ADD3: variants seen among roughly 807,000 people sequenced by gnomAD.
ADD3 encodes adducin 3, also known as gamma-adducin.
A neutral mutation model predicts 80.2 loss-of-function variants in ADD3; 25 were observed. The ratio of observed to expected loss-of-function variants is 0.31; its 90% CI spans 0.23 to 0.44. The LOEUF (loss-of-function observed/expected upper bound fraction) is 0.44. Among genes scored for constraint, ADD3 ranks in the 20% least tolerant of loss-of-function variants. The pLI, the probability that ADD3 is intolerant of heterozygous loss-of-function variation, is 1.00. For synonymous variants in ADD3, 284 were observed against 289.6 expected (o/e 0.98, Z 0.20); for missense variants, 829 against 847.5 (o/e 0.98, Z 0.27).
intron 1 of ADD3, among the ~76,000 whole-genome samples, chr10:110,094,715 G>A (rs1388914803): frequency 6.6e-6 from 1 of 152,186 alleles, no homozygotes; most frequent in East Asian, 1.9e-4. Flanking sequence ...TTTCACTAGT[G>A]ATCTAAGGAT....
At chr10:110,090,100 T>C (rs2133855804) in intron 1 of ADD3, among the ~76,000 whole-genome samples, 1 of 151,670 alleles carries the variant, frequency 6.6e-6, no homozygotes, top group South Asian at 2.1e-4. Flanking sequence ...CAATAAAATA[T>C]CCTTCGTCGT....
chr10:110,031,861 G>A (rs1855066127), intron 1 of ADD3, among the ~76,000 whole-genome samples: 1 of 151,548 alleles, frequency 6.6e-6, no homozygotes, highest in South Asian at 2.1e-4. Flanking sequence ...TATGATTTAT[G>A]AGAATGCATA....
intron 12 of ADD3, among the ~76,000 whole-genome samples, chr10:110,129,860 T>A (rs74154984): frequency 0.011 from 1,616 of 152,168 alleles, 31 homozygotes; most frequent in African/African-American, 0.038. Flanking sequence ...TTTAGTGGGG[T>A]TTTGGGAGGG....
intron 5 of ADD3, among the ~76,000 whole-genome samples, chr10:110,118,147 C>T (rs959017863): frequency 6.6e-6 from 1 of 151,562 alleles, no homozygotes; most frequent in Non-Finnish European, 1.5e-5. Context: ...TTTATCTTTT[C>T]CATGACTACT....
chr10:110,109,269 C>A (rs1428179435), intron 2 of ADD3, among the ~76,000 whole-genome samples: 2 of 151,994 alleles, frequency 1.3e-5, no homozygotes, highest in Non-Finnish European at 2.9e-5. Context: ...ATACACTGAG[C>A]AAGCTGTCTT....
rs1253966766 is a variant in ADD3, at chr10:110,133,382, G to A, written c.1885G>A (p.Val629Ile). The A allele has an allele frequency of 6.2e-7, 1 of 1,609,464 alleles. No homozygotes were observed. Among genetic ancestry groups the A allele is most frequent in the South Asian group, 1.1e-5 (1 of 90,846 alleles). The change falls in exon 15 of 15, where the codon GTA becomes ATA. Residue 629 changes from valine to isoleucine, a missense_variant. Coordinates refer to ENST00000356080, the MANE Select transcript of ADD3 (RefSeq NM_016824.5). ...CTCCATGGAAGTGCCTGTCATGGTA[G>A]TAAATGGCAAGGATGATATGCATGA... ...FISMEVPVMV[V>I]NGKDDMHDVE...
At chr10:110,113,414 C>T (rs1213985536) in intron 3 of ADD3, among the ~76,000 whole-genome samples, 1 of 152,000 alleles carries the variant, frequency 6.6e-6, no homozygotes, top group African/African-American at 2.4e-5. Flanking sequence ...ATTACAGGTG[C>T]GCGCCACCAC....
intron 1 of ADD3, among the ~76,000 whole-genome samples, chr10:110,020,176 T>G (rs936964173): frequency 6.6e-6 from 1 of 152,218 alleles, no homozygotes; most frequent in Admixed American, 6.5e-5. Context: ...CCTTTATTCA[T>G]TTATTCATTC....
At chr10:110,089,387 A>C (rs1847194829) in intron 1 of ADD3, among the ~76,000 whole-genome samples, 1 of 152,154 alleles carries the variant, frequency 6.6e-6, no homozygotes, top group Admixed American at 6.5e-5. Flanking sequence ...AGGGAACTCA[A>C]CAGAAACTAA....
chr10:110,098,298 G>A (rs1248725444), intron 1 of ADD3, among the ~76,000 whole-genome samples: 1 of 152,166 alleles, frequency 6.6e-6, no homozygotes, highest in East Asian at 1.9e-4. Context: ...GGATAGAAAT[G>A]TAATGATTGG....
chr10:110,053,365 A>G (rs1180379308), intron 1 of ADD3, among the ~76,000 whole-genome samples: 11 of 152,128 alleles, frequency 7.2e-5, no homozygotes, highest in Admixed American at 3.3e-4. Flanking sequence ...ACATTTCTCA[A>G]TGTATCTTCT....
intron 2 of ADD3, among the ~76,000 whole-genome samples, chr10:110,108,706 A>G (rs1849655491): frequency 6.6e-6 from 1 of 152,064 alleles, no homozygotes; most frequent in African/African-American, 2.4e-5. Flanking sequence ...CTGTTTTATG[A>G]CTTAGGTGAT....
At position 110,045,447 on chromosome 10, in the gene ADD3, T is replaced by C. The variant is rs985986592; in HGVS notation, c.-30+37148T>C. Among the ~76,000 whole-genome samples the C allele has an allele frequency of 2.6e-5, 4 of 152,240 alleles. No homozygotes were observed. The South Asian group carries it at 8.3e-4, about 32-fold the overall frequency. On this transcript the variant is annotated intron_variant, in intron 1 of 14. Coordinates refer to ENST00000356080, the MANE Select transcript of ADD3 (RefSeq NM_016824.5). Reference sequence around the variant, plus strand: ...CACTTTTGAGCTATAATATTAGTTATAGCAAAGATCTGTATAAATTTTATC... The same window carrying C: ...CACTTTTGAGCTATAATATTAGTTACAGCAAAGATCTGTATAAATTTTATC...
intron 1 of ADD3, among the ~76,000 whole-genome samples, chr10:110,049,841 C>T (rs924190789): frequency 5.3e-5 from 8 of 150,150 alleles, no homozygotes; most frequent in Non-Finnish European, 7.4e-5. Context: ...GAGCCGAGAT[C>T]GCGCCACTGC....
intron 1 of ADD3, among the ~76,000 whole-genome samples, chr10:110,067,130 A>T (rs944282207): frequency 3.3e-5 from 5 of 152,242 alleles, no homozygotes; most frequent in Admixed American, 3.3e-4. Flanking sequence ...CTGTAGGAAG[A>T]TATTAATGCT....
At chr10:110,061,463 A>C (rs963245655) in intron 1 of ADD3, among the ~76,000 whole-genome samples, 2 of 152,234 alleles carry the variant, frequency 1.3e-5, no homozygotes, top group Admixed American at 1.3e-4. Flanking sequence ...TTGGGAAAGC[A>C]GAATGATAGC....
intron 2 of ADD3, among the ~76,000 whole-genome samples, chr10:110,102,356 C>A (rs1457900882): frequency 6.6e-6 from 1 of 152,148 alleles, no homozygotes; most frequent in Non-Finnish European, 1.5e-5. Flanking sequence ...CTGTTGTAAT[C>A]CCAGCACTTT....
chr10:110,009,872 A>T (rs190116237), intron 1 of ADD3, among the ~76,000 whole-genome samples: 1 of 152,256 alleles, frequency 6.6e-6, no homozygotes, highest in African/African-American at 2.4e-5. Flanking sequence ...GAGACATTCA[A>T]TGTATTGCTA....
intron 1 of ADD3, among the ~76,000 whole-genome samples, chr10:110,025,811 T>C (rs1343489469): frequency 6.6e-6 from 1 of 152,168 alleles, no homozygotes; most frequent in Non-Finnish European, 1.5e-5. Flanking sequence ...TAAGGGGTTT[T>C]GTCAGAATTC....
Sources: gnomAD v4.1 joint callset for allele counts (sites outside exome capture counted in the v4.1 genomes callset) on GRCh38, gnomAD v4.1.1 for gene constraint, MANE v1.5 for transcripts, NCBI Gene and HGNC (gene_info 2026-07-23, HGNC 2026-07-21) for gene names.